Variants in PAPOLG observed in about 807,000 individuals in gnomAD.
The protein encoded by PAPOLG is poly(A) polymerase gamma, also known as PAP-gamma.
Under a neutral mutation model 99.0 loss-of-function variants are expected in PAPOLG, and 40 were observed. That is an observed-to-expected ratio of 0.40 (90% CI 0.31 to 0.53). The LOEUF is 0.53. Ranked by LOEUF, PAPOLG falls within the 20% of genes least tolerant of loss-of-function variation. The pLI, the probability that PAPOLG is intolerant of heterozygous loss-of-function variation, is 0.41. For missense variants in PAPOLG, 675 were observed against 884.1 expected (o/e 0.76, Z 3.00); for synonymous variants, 310 against 299.3 (o/e 1.04, Z -0.37).
chr2:60,780,249 C>A (rs1671147065), intron 9 of PAPOLG, among the ~76,000 whole-genome samples: 1 of 150,462 alleles, frequency 6.6e-6, no homozygotes, highest in South Asian at 2.1e-4. Context: ...AATGAGCAGC[C>A]TTTCCTTTGT....
At chr2:60,787,185 T>G (rs1671388766) in intron 14 of PAPOLG, 119 bp downstream of exon 14, 7 of 945,566 alleles carry the variant, frequency 7.4e-6, no homozygotes, top group Non-Finnish European at 1.1e-5. Context: ...TGACACATTA[T>G]ATATTTGAGT....
chr2:60,792,113 C>G lies in PAPOLG; in HGVS notation c.1519-16C>G, dbSNP rs200795597. The G allele has an allele frequency of 1.3e-6, 2 of 1,566,774 alleles. No individual in the cohort carries two copies. The highest frequency in any genetic ancestry group is 2.3e-5 in the East Asian group (1 of 44,440). Reference sequence around the variant, plus strand: ...CATTTGCATTTTGAAATCCTAAAATCGTTCCCTTCTTTCAGCAAAGTCTCT... The same window carrying G: ...CATTTGCATTTTGAAATCCTAAAATGGTTCCCTTCTTTCAGCAAAGTCTCT... On this transcript the variant is annotated splice_polypyrimidine_tract_variant and intron_variant, in intron 16 of 21. Coordinates refer to ENST00000238714, the MANE Select transcript of PAPOLG (RefSeq NM_022894.4).
intron 21 of PAPOLG, 99 bp from the exon 22 acceptor site, chr2:60,796,963 G>A: frequency 1.3e-6 from 2 of 1,484,226 alleles, no homozygotes; most frequent in Non-Finnish European, 1.8e-6. Context: ...GAGGGTTTGG[G>A]AGAAAAACTC....
At chr2:60,775,900 A>G (rs1387748242) in intron 8 of PAPOLG, among the ~76,000 whole-genome samples, 1 of 151,878 alleles carries the variant, frequency 6.6e-6, no homozygotes, top group African/African-American at 2.4e-5. Flanking sequence ...AGTAGCTGGG[A>G]TTATAGGCAC....
intron 11 of PAPOLG, 28 bp from the exon 12 acceptor site, chr2:60,782,658 T>TC: frequency 7.9e-7 from 1 of 1,270,692 alleles, no homozygotes; most frequent in Non-Finnish European, 1.0e-6. Context: ...TTCTTCTTTT[T>TC]TTTTTTTTTT....
chr2:60,760,399 T>A, intron 2 of PAPOLG, 104 bp downstream of exon 2: 1 of 1,133,550 alleles, frequency 8.8e-7, no homozygotes, highest in Non-Finnish European at 1.3e-6. Context: ...GGTGCAGAAA[T>A]GACAAAAAGA....
Position 60,783,215 on chromosome 2 carries a change from A to G in PAPOLG, c.1166+6A>G, listed in dbSNP as rs750714719. On this transcript the variant is annotated splice_donor_region_variant and intron_variant, in intron 13 of 21. Coordinates refer to ENST00000238714, the MANE Select transcript of PAPOLG (RefSeq NM_022894.4). ...GAAGAAAACCATCTAGAGTGGTAAGACTTCTATTTCAAGTTTTCTACCTAC... is the reference window on the plus strand; with the variant it reads ...GAAGAAAACCATCTAGAGTGGTAAGGCTTCTATTTCAAGTTTTCTACCTAC... 2.6e-6 allele frequency: 4 copies of G among 1,550,526 alleles called. No individual in the cohort carries two copies. In the South Asian group the frequency reaches 5.0e-5, roughly 19 times the overall value.
chr2:60,788,639 A>T (rs1243463932), intron 15 of PAPOLG, among the ~76,000 whole-genome samples: 3 of 152,124 alleles, frequency 2.0e-5, no homozygotes, highest in Admixed American at 2.0e-4. Flanking sequence ...CTGTTTTAAA[A>T]CAAAGAAAGG....
intron 15 of PAPOLG, 125 bp downstream of exon 15, chr2:60,787,745 C>A: frequency 8.0e-7 from 1 of 1,256,426 alleles, no homozygotes; most frequent in Non-Finnish European, 1.1e-6. Flanking sequence ...ATGGCATATC[C>A]GTATTGCTGT....
At chr2:60,772,757 A>G (rs1670893844) in intron 7 of PAPOLG, among the ~76,000 whole-genome samples, 1 of 152,194 alleles carries the variant, frequency 6.6e-6, no homozygotes, top group Non-Finnish European at 1.5e-5. Flanking sequence ...CAAAAAAGAA[A>G]GAAAAAATCT....
intron 8 of PAPOLG, among the ~76,000 whole-genome samples, chr2:60,778,713 G>A (rs1426340220): frequency 1.3e-5 from 2 of 152,164 alleles, no homozygotes; most frequent in East Asian, 1.9e-4. Flanking sequence ...TAGTAAGCAA[G>A]TAGAATTTGT....
intron 3 of PAPOLG, among the ~76,000 whole-genome samples, chr2:60,763,620 T>C (rs1459839510): frequency 6.6e-6 from 1 of 151,980 alleles, no homozygotes; most frequent in African/African-American, 2.4e-5. Context: ...TCTCCTGTCT[T>C]AGCCGCCCAA....
In PAPOLG at chr2:60,768,844, CTT is replaced by C; in HGVS notation, c.398_399del (p.Phe133Ter). 1.9e-6 allele frequency: 3 copies of C among 1,601,832 alleles called. No homozygotes were observed. The highest frequency in any genetic ancestry group is 2.6e-6 in the Non-Finnish European group (3 of 1,173,304). ...GTGGAAAGATCTGATTTTTTTCAGTCTTTTTTTGAAAAATTGAAACATCAAGA... is the reference window on the plus strand; with the variant it reads ...GTGGAAAGATCTGATTTTTTTCAGTCTTTTTGAAAAATTGAAACATCAAGA... On this transcript the variant is annotated frameshift_variant, in exon 5 of 22. Transcript: ENST00000238714. LOFTEE classifies it high-confidence loss of function.
chr2:60,777,688 C>T lies in PAPOLG; in HGVS notation c.695-1949C>T, dbSNP rs192997925. ...TTTTTGATTTAAAGTGAGAGACATA[C>T]GACTCTTTCTTTTACTTGAACACTT... On this transcript the variant is annotated intron_variant, in intron 8 of 21. Coordinates refer to ENST00000238714, the MANE Select transcript of PAPOLG (RefSeq NM_022894.4). Among the ~76,000 whole-genome samples, 181 of 152,196 alleles carry T rather than the reference C, an allele frequency of 1.2e-3. 3 individuals are homozygous for T. Among genetic ancestry groups the T allele is most frequent in the Admixed American group, 0.012 (180 of 15,280 alleles).
intron 1 of PAPOLG, among the ~76,000 whole-genome samples, chr2:60,756,973 G>T (rs1313426826): frequency 6.6e-6 from 1 of 151,046 alleles, no homozygotes; most frequent in East Asian, 2.0e-4. Flanking sequence ...TCTTTTCACC[G>T]CCGTCCCCAC....
intron 1 of PAPOLG, among the ~76,000 whole-genome samples, chr2:60,758,341 T>G (rs1198157536): frequency 4.7e-5 from 7 of 149,892 alleles, no homozygotes; most frequent in Non-Finnish European, 5.9e-5. Flanking sequence ...TTTTTTTTTT[T>G]TTTTTTTTTT....
rs202086119 is a variant in PAPOLG at position 60,791,750 on chromosome 2, C to T, written c.1397-11C>T. ...AGAAGTTTCCCATTTAACATATTAA[C>T]ATTGTTACAGTGTACAGACAGGCAA... On this transcript the variant is annotated splice_polypyrimidine_tract_variant and intron_variant, in intron 15 of 21. Coordinates refer to ENST00000238714, the MANE Select transcript of PAPOLG (RefSeq NM_022894.4). 1 of 1,586,726 alleles carries T rather than the reference C, an allele frequency of 6.3e-7. No homozygotes were observed. The highest frequency in any genetic ancestry group is 8.5e-7 in the Non-Finnish European group (1 of 1,172,004).
At chr2:60,772,724 G>A (rs1670892647) in intron 7 of PAPOLG, among the ~76,000 whole-genome samples, 1 of 152,018 alleles carries the variant, frequency 6.6e-6, no homozygotes, top group Admixed American at 6.6e-5. Flanking sequence ...ATCCAGCCAG[G>A]GTGACAGAGC....
chr2:60,768,618 TAGG>T (rs1670756695), intron 4 of PAPOLG, 67 bp downstream of exon 4: 1 of 1,427,132 alleles, frequency 7.0e-7, no homozygotes, highest in South Asian at 1.2e-5. Flanking sequence ...TTAGAAAATG[TAGG>T]AGAACAAAGT....
Sources: allele counts gnomAD v4.1 joint callset (sites outside exome capture counted in the v4.1 genomes callset), GRCh38; gene constraint gnomAD v4.1.1; transcripts MANE v1.5; gene names NCBI Gene and HGNC (gene_info 2026-07-23, HGNC 2026-07-21).